The following CSMD1 variants were observed in gnomAD, a reference collection of about 807,000 sequenced individuals.
CSMD1 encodes the protein CUB and sushi domain-containing protein 1.
Under a neutral mutation model 417.5 loss-of-function variants are expected in CSMD1, and 213 were observed. The ratio of observed to expected loss-of-function variants is 0.51; its 90% CI spans 0.46 to 0.57. The LOEUF (loss-of-function observed/expected upper bound fraction) is 0.57. Among genes scored for constraint, CSMD1 ranks in the 20% least tolerant of loss-of-function variants. The pLI, the probability that CSMD1 is intolerant of heterozygous loss-of-function variation, is 0.00. For missense variants in CSMD1, 6,923 were observed against 4,529.7 expected (o/e 1.53, Z -15.17); for synonymous variants, 2,862 against 1,736.8 (o/e 1.65, Z -16.11).
intron 1 of CSMD1, among the ~76,000 whole-genome samples, chr8:4,889,209 A>G (rs73185722): frequency 0.025 from 3,788 of 152,236 alleles, 72 homozygotes; most frequent in Non-Finnish European, 0.039. Flanking sequence ...CAAGTGTCAA[A>G]GCTGGTATCA....
intron 5 of CSMD1, among the ~76,000 whole-genome samples, chr8:3,788,722 G>A (rs745628434): frequency 6.6e-6 from 1 of 152,172 alleles, no homozygotes; most frequent in Non-Finnish European, 1.5e-5. Flanking sequence ...GCCATTCAGA[G>A]ATTAGAAAGC....
intron 5 of CSMD1, among the ~76,000 whole-genome samples, chr8:3,889,182 G>C (rs748532265): frequency 6.6e-6 from 1 of 151,698 alleles, no homozygotes; most frequent in Non-Finnish European, 1.5e-5. Flanking sequence ...GACGATGCAA[G>C]ATTCGAACAA....
intron 3 of CSMD1, among the ~76,000 whole-genome samples, chr8:4,292,210 T>C (rs534039919): frequency 1.3e-5 from 2 of 152,246 alleles, no homozygotes; most frequent in African/African-American, 4.8e-5. Flanking sequence ...TATATGCTGC[T>C]TTTTCTTACT....
intron 2 of CSMD1, among the ~76,000 whole-genome samples, chr8:4,551,330 C>A (rs1306555643): frequency 6.6e-6 from 1 of 152,146 alleles, no homozygotes; most frequent in Non-Finnish European, 1.5e-5. Flanking sequence ...GGTCCCCCGG[C>A]TGTGAGTGCC....
intron 1 of CSMD1, among the ~76,000 whole-genome samples, chr8:4,974,780 T>G (rs549804623): frequency 1.3e-5 from 2 of 152,184 alleles, no homozygotes; most frequent in South Asian, 2.1e-4. Flanking sequence ...CCTCAAATCT[T>G]TGTCAGGAAA....
intron 2 of CSMD1, among the ~76,000 whole-genome samples, chr8:4,524,787 C>A (rs977674284): frequency 6.6e-6 from 1 of 151,982 alleles, no homozygotes; most frequent in African/African-American, 2.4e-5. Flanking sequence ...TAGAAATTAT[C>A]CAGTAAATTA....
chr8:3,743,306 T>A (rs1227194615), intron 6 of CSMD1, among the ~76,000 whole-genome samples: 1 of 152,250 alleles, frequency 6.6e-6, no homozygotes, highest in Non-Finnish European at 1.5e-5. Context: ...TGGAGATGGC[T>A]TTCCTGGATG....
At chr8:4,057,436 C>T (rs182386542) in intron 3 of CSMD1, among the ~76,000 whole-genome samples, 56 of 152,188 alleles carry the variant, frequency 3.7e-4, no homozygotes, top group African/African-American at 1.3e-3. Flanking sequence ...GATGTTAGCC[C>T]TTTGTCAGAT....
intron 4 of CSMD1, among the ~76,000 whole-genome samples, chr8:4,003,630 T>C (rs1042086216): frequency 1.3e-5 from 2 of 152,150 alleles, no homozygotes; most frequent in Non-Finnish European, 2.9e-5. Flanking sequence ...ATTAAAAAGA[T>C]AAATTCTGAA....
chr8:4,509,103 A>C (rs2130330727), intron 2 of CSMD1, among the ~76,000 whole-genome samples: 1 of 152,306 alleles, frequency 6.6e-6, no homozygotes, highest in Middle Eastern at 3.4e-3. Context: ...GGAAAAAAGA[A>C]AATACTTGGA....
At chr8:3,399,308 T>A in intron 16 of CSMD1, 83 bp downstream of exon 16, 1 of 1,338,938 alleles carries the variant, frequency 7.5e-7, no homozygotes, top group Non-Finnish European at 1.0e-6. Context: ...ACTGCCATCT[T>A]TTTAAAGTTT....
chr8:3,974,871 A>T (rs773577813), intron 5 of CSMD1, among the ~76,000 whole-genome samples: 4 of 152,162 alleles, frequency 2.6e-5, no homozygotes, highest in African/African-American at 4.8e-5. Context: ...GTGTTATCAT[A>T]ATTTAAGAAT....
chr8:4,249,157 T>C lies in CSMD1; in HGVS notation c.415+170796A>G, dbSNP rs543179020. 6.6e-5 allele frequency among the ~76,000 whole-genome samples: 10 copies of C among 152,300 alleles called. No individual in the cohort carries two copies. In the South Asian group the frequency reaches 1.9e-3, roughly 28 times the overall value. Reference sequence around the variant, plus strand: ...CGTGGGAAAATATAATCTTAACATATATTAAGAGAATGATAGACTACTTGA... The same window carrying C: ...CGTGGGAAAATATAATCTTAACATACATTAAGAGAATGATAGACTACTTGA... On this transcript the variant is annotated intron_variant, in intron 3 of 69. Transcript: ENST00000635120.
At position 3,019,451 on chromosome 8, in the gene CSMD1, G is replaced by C. The variant is rs149610126; in HGVS notation, c.7856-801C>G. On this transcript the variant is annotated intron_variant, in intron 51 of 69. Transcript: ENST00000635120. ...TTCTTCACCAAAGCCCATCAGCTGG[G>C]ACAAAGTAGTGTGGTATTAAAATCT... Among the ~76,000 whole-genome samples the C allele has an allele frequency of 3.3e-3, 496 of 152,310 alleles. 1 individual carries two copies. The highest frequency in any genetic ancestry group is 0.011 in the African/African-American group (465 of 41,560).
At chr8:4,156,609 A>G (rs754271576) in intron 3 of CSMD1, among the ~76,000 whole-genome samples, 1 of 152,214 alleles carries the variant, frequency 6.6e-6, no homozygotes, top group Admixed American at 6.5e-5. Context: ...AATATTAAAA[A>G]CAATGGGAAA....
chr8:4,384,601 A>C (rs574439054), intron 3 of CSMD1, among the ~76,000 whole-genome samples: 28 of 152,102 alleles, frequency 1.8e-4, no homozygotes, highest in African/African-American at 6.7e-4. Context: ...ACATTTCTGG[A>C]AGAAAAATAA....
chr8:4,811,898 G>T (rs1421149632), intron 1 of CSMD1, among the ~76,000 whole-genome samples: 2 of 152,022 alleles, frequency 1.3e-5, no homozygotes, highest in Admixed American at 6.5e-5. Context: ...GTTCCCTAAT[G>T]AATTGACTGT....
chr8:3,554,550 C>A (rs1018617620), intron 10 of CSMD1, among the ~76,000 whole-genome samples: 2 of 152,172 alleles, frequency 1.3e-5, no homozygotes, highest in Non-Finnish European at 2.9e-5. Context: ...AGCTCCTGCT[C>A]TGTTGGAAGC....
At chr8:4,970,232 C>T (rs905493909) in intron 1 of CSMD1, among the ~76,000 whole-genome samples, 1 of 152,072 alleles carries the variant, frequency 6.6e-6, no homozygotes, top group Non-Finnish European at 1.5e-5. Context: ...CATTCATTCA[C>T]TTTGGGAGCT....
Sources: allele counts gnomAD v4.1 joint callset (sites outside exome capture counted in the v4.1 genomes callset), GRCh38; gene constraint gnomAD v4.1.1; transcripts MANE v1.5; gene names NCBI Gene and HGNC (gene_info 2026-07-23, HGNC 2026-07-21).